STK3: variants seen among roughly 807,000 people sequenced by gnomAD.
STK3 encodes serine/threonine-protein kinase 3.
A neutral mutation model predicts 58.0 loss-of-function variants in STK3; 41 were observed. That is an observed-to-expected ratio of 0.71 (90% CI 0.55 to 0.92). The LOEUF is 0.92. Ranked by LOEUF, STK3 falls within the 40% of genes least tolerant of loss-of-function variation. The probability of loss-of-function intolerance (pLI) is 0.00; values close to 1 mark genes in which losing one functional copy is unlikely to be tolerated. For missense variants in STK3, 479 were observed against 602.7 expected (o/e 0.79, Z 2.15); for synonymous variants, 170 against 191.0 (o/e 0.89, Z 0.91).
intron 3 of STK3, among the ~76,000 whole-genome samples, chr8:98,832,432 G>T (rs906018528): frequency 6.6e-6 from 1 of 151,992 alleles, no homozygotes; most frequent in Non-Finnish European, 1.5e-5. Flanking sequence ...AGACACAGAG[G>T]CATCCTGTGT....
At chr8:98,858,301 TATATATATATATATATATATATAG>T (rs1223377205) in intron 3 of STK3, among the ~76,000 whole-genome samples, 1 of 51,406 alleles carries the variant, frequency 1.9e-5, no homozygotes, top group Admixed American at 2.2e-4. Flanking sequence ...TATATATATA[TATATATATATATATATATATATAG>T]AGAGAGAGAG....
Position 98,401,911 on chromosome 8 carries a change from T to G in STK3, n.484-398A>C, listed in dbSNP as rs11785835. 7.3e-4 allele frequency among the ~76,000 whole-genome samples: 111 copies of G among 152,216 alleles called. 1 individual carries two copies. Among genetic ancestry groups the G allele is most frequent in the Middle Eastern group, 3.4e-3 (1 of 294 alleles). On this transcript the variant is annotated intron_variant and non_coding_transcript_variant, in intron 3 of 3. Transcript: ENST00000517832. Reference sequence around the variant, plus strand: ...GGTTACAGACGAGCAATTATTCTTGTGCGCATGCATTGTAAAAAAAATTCA... The same window carrying G: ...GGTTACAGACGAGCAATTATTCTTGGGCGCATGCATTGTAAAAAAAATTCA...
intron 1 of STK3, among the ~76,000 whole-genome samples, chr8:98,894,248 C>T (rs1047818690): frequency 1.6e-4 from 24 of 152,194 alleles, no homozygotes; most frequent in Non-Finnish European, 3.4e-4. Flanking sequence ...ACAGAATCCA[C>T]CCCCACATAT....
chr8:98,741,802 T>A (rs1435906809), intron 4 of STK3, among the ~76,000 whole-genome samples: 1 of 152,158 alleles, frequency 6.6e-6, no homozygotes, highest in East Asian at 1.9e-4. Context: ...GGAGCTGGTT[T>A]TTTGAAAGGA....
intron 10 of STK3, chr8:98,526,456 T>G: frequency 5.1e-6 from 1 of 197,530 alleles, no homozygotes; most frequent in Non-Finnish European, 1.0e-5. Flanking sequence ...AAACATCTTT[T>G]AAAATAGTTG....
At chr8:98,397,374 C>T (rs992373726), downstream of STK3, among the ~76,000 whole-genome samples, 7 of 151,882 alleles carry the variant, frequency 4.6e-5, no homozygotes, top group East Asian at 1.9e-4. Flanking sequence ...ACAAAAATTA[C>T]AAAAATTAGC....
intron 9 of STK3, among the ~76,000 whole-genome samples, chr8:98,541,682 G>C (rs1810291428): frequency 6.6e-6 from 1 of 152,052 alleles, no homozygotes; most frequent in African/African-American, 2.4e-5. Flanking sequence ...TCTCATAACA[G>C]GACCACCAGC....
chr8:98,368,199 G>A (rs1038903859), downstream of STK3, among the ~76,000 whole-genome samples: 2 of 152,220 alleles, frequency 1.3e-5, no homozygotes, highest in Admixed American at 6.5e-5. Context: ...TACTGAGAGA[G>A]AAATCTGAAA....
At chr8:98,796,143 T>C (rs1004351153) in intron 1 of STK3, among the ~76,000 whole-genome samples, 2 of 152,140 alleles carry the variant, frequency 1.3e-5, no homozygotes, top group Non-Finnish European at 2.9e-5. Flanking sequence ...AAAAAAACTA[T>C]TCTAAAATTC....
intron 6 of STK3, among the ~76,000 whole-genome samples, chr8:98,681,599 A>C (rs1041253876): frequency 1.3e-5 from 2 of 152,236 alleles, no homozygotes; most frequent in Admixed American, 6.5e-5. Flanking sequence ...TGAATGTTTA[A>C]GAAAATAATC....
intron 9 of STK3, among the ~76,000 whole-genome samples, chr8:98,536,990 C>T (rs993009538): frequency 2.0e-5 from 3 of 152,128 alleles, no homozygotes; most frequent in Non-Finnish European, 4.4e-5. Flanking sequence ...GGCAAAATGC[C>T]TTTTGGCTTC....
At chr8:98,398,328 C>T (rs1817913053), downstream of STK3, among the ~76,000 whole-genome samples, 1 of 152,196 alleles carries the variant, frequency 6.6e-6, no homozygotes, top group African/African-American at 2.4e-5. Flanking sequence ...TAAGGAACAT[C>T]AAAATTATGG....
At chr8:98,499,933 T>A (rs984869185) in intron 10 of STK3, among the ~76,000 whole-genome samples, 1 of 152,150 alleles carries the variant, frequency 6.6e-6, no homozygotes, top group Non-Finnish European at 1.5e-5. Context: ...GTGAGATAGA[T>A]GTAAATCCTT....
the STK3 span, among the ~76,000 whole-genome samples, chr8:98,356,262 A>G: frequency 3.3e-5 from 5 of 152,302 alleles, no homozygotes; most frequent in South Asian, 1.0e-3. Flanking sequence ...GTTTCCTAGT[A>G]GTGAAAGCAT....
chr8:98,408,614 T>G (rs376928520), intron 3 of STK3, among the ~76,000 whole-genome samples: 14 of 152,326 alleles, frequency 9.2e-5, no homozygotes, highest in African/African-American at 2.9e-4. Flanking sequence ...CTTAAAGCGT[T>G]TAAGAGAGTT....
At chr8:98,562,199 C>T (rs1191965495) in intron 8 of STK3, among the ~76,000 whole-genome samples, 1 of 152,098 alleles carries the variant, frequency 6.6e-6, no homozygotes, top group Non-Finnish European at 1.5e-5. Context: ...ATACAAAAGC[C>T]AGCATATGAA....
At chr8:98,672,301 G>A (rs1563874251) in intron 6 of STK3, among the ~76,000 whole-genome samples, 1 of 152,028 alleles carries the variant, frequency 6.6e-6, no homozygotes, top group Non-Finnish European at 1.5e-5. Flanking sequence ...TGGGGGTGTT[G>A]TGCCAAGGGG....
chr8:98,483,495 A>C (rs1822005158), intron 10 of STK3, among the ~76,000 whole-genome samples: 1 of 152,192 alleles, frequency 6.6e-6, no homozygotes, highest in African/African-American at 2.4e-5. Flanking sequence ...CCCCAAAGTA[A>C]ATTTAGATGG....
At chr8:98,822,732 A>T (rs1834985500) in intron 1 of STK3, among the ~76,000 whole-genome samples, 1 of 152,242 alleles carries the variant, frequency 6.6e-6, no homozygotes, top group African/African-American at 2.4e-5. Context: ...TATAACATAA[A>T]TAAAGAACAA....
Sources: allele counts gnomAD v4.1 joint callset (sites outside exome capture counted in the v4.1 genomes callset), GRCh38; gene constraint gnomAD v4.1.1; transcripts MANE v1.5; gene names NCBI Gene and HGNC (gene_info 2026-07-23, HGNC 2026-07-21).